IL19: variants seen among roughly 807,000 people sequenced by gnomAD.
IL19 encodes the protein interleukin 19.
IL19 carries 15 observed loss-of-function variants against 19.5 expected under a neutral mutation model. That is an observed-to-expected ratio of 0.77 (90% CI 0.52 to 1.19). IL19 has a LOEUF of 1.19. Ranked by LOEUF, IL19 falls within the 50% of genes most tolerant of loss-of-function variation. The probability of loss-of-function intolerance (pLI) is 0.00; values close to 1 mark genes in which losing one functional copy is unlikely to be tolerated. For missense variants in IL19, 199 were observed against 213.1 expected, an observed-to-expected ratio of 0.93 and a Z score of 0.41; for synonymous variants, 78 against 78.3, an observed-to-expected ratio of 1.00 and a Z score of 0.02.
At position 206,839,776 on chromosome 1, in the gene IL19, C is replaced by T. The variant is rs897450184; in HGVS notation, c.211-74C>T. The T allele has an allele frequency of 3.7e-6, 5 of 1,356,136 alleles. No individual in the cohort carries two copies. In the African/African-American group the frequency reaches 7.3e-5, roughly 20 times the overall value. 84.0% of individuals were successfully genotyped at this position (1,356,136 alleles called of 1,614,324 possible). ...GTTCTCTCATGTGTCGCTGCCCCTA[C>T]TCAAATGGACTGCCCTGGTCTCCAA... On this transcript the variant is annotated intron_variant, in intron 4 of 6. Coordinates refer to ENST00000659997, the MANE Select transcript of IL19 (RefSeq NM_153758.5).
intron 1 of IL19, among the ~76,000 whole-genome samples, chr1:206,782,528 A>G (rs1675172695): frequency 6.6e-6 from 1 of 152,194 alleles, no homozygotes; most frequent in African/African-American, 2.4e-5. Flanking sequence ...GCTTGGGTAG[A>G]CAAGGGAGAA....
rs760242157 is a variant in IL19, at chr1:206,772,418, C to T, written c.-149+1340C>T. 9.9e-6 allele frequency: 16 copies of T among 1,613,998 alleles called. No individual in the cohort carries two copies. The highest frequency in any genetic ancestry group is 8.9e-5 in the East Asian group (4 of 44,902). The stretch of plus-strand genomic sequence containing the variant: ...CAGTCAGGAGGACCAGGCAACAGAG[C>T]AGTGCTGAGCTGTGCATGCCTTCTT... On this transcript the variant is annotated intron_variant, in intron 1 of 6. Coordinates refer to ENST00000659997, the MANE Select transcript of IL19 (RefSeq NM_153758.5).
At chr1:206,785,030 C>T (rs554106613) in intron 1 of IL19, among the ~76,000 whole-genome samples, 1 of 152,296 alleles carries the variant, frequency 6.6e-6, no homozygotes, top group Admixed American at 6.5e-5. Flanking sequence ...CCAGCTGCTA[C>T]GGGCTTTGAA....
intron 2 of IL19, among the ~76,000 whole-genome samples, chr1:206,824,203 G>C (rs1444710881): frequency 2.0e-5 from 3 of 152,194 alleles, no homozygotes; most frequent in Non-Finnish European, 4.4e-5. Flanking sequence ...ACGGAGTTAA[G>C]AAGCCTAGGT....
chr1:206,829,259 A>T (rs571711730), intron 2 of IL19: 1 of 152,306 alleles, frequency 6.6e-6, no homozygotes, highest in Admixed American at 6.5e-5. Context: ...TTTCAGGTAG[A>T]TAAACACTGA....
chr1:206,803,284 A>G (rs1395931586), intron 2 of IL19, among the ~76,000 whole-genome samples: 1 of 152,172 alleles, frequency 6.6e-6, no homozygotes, highest in Non-Finnish European at 1.5e-5. Flanking sequence ...GATGCCTTCC[A>G]GTTCCCTGCC....
chr1:206,834,398 G>C, intron 2 of IL19: 3 of 985,658 alleles, frequency 3.0e-6, no homozygotes, highest in Non-Finnish European at 3.6e-6. Context: ...CACCAAGTGA[G>C]AGGTGAGGCT....
chr1:206,790,867 C>T (rs1036678501), intron 1 of IL19, among the ~76,000 whole-genome samples: 5 of 152,314 alleles, frequency 3.3e-5, no homozygotes, highest in East Asian at 1.9e-4. Flanking sequence ...GCAGGCAGGA[C>T]GCAGGCAAGA....
At chr1:206,774,916 A>T (rs1674954736) in intron 1 of IL19, among the ~76,000 whole-genome samples, 1 of 152,118 alleles carries the variant, frequency 6.6e-6, no homozygotes, top group African/African-American at 2.4e-5. Flanking sequence ...ATTTCCTTAT[A>T]TGAGATGTGT....
chr1:206,775,071 C>T (rs1224068715), intron 1 of IL19, among the ~76,000 whole-genome samples: 4 of 150,346 alleles, frequency 2.7e-5, no homozygotes, highest in Non-Finnish European at 5.9e-5. Flanking sequence ...GACAGAGTCT[C>T]GCTCTGTTGC....
intron 2 of IL19, among the ~76,000 whole-genome samples, chr1:206,830,631 T>G (rs536091701): frequency 8.5e-5 from 13 of 152,152 alleles, no homozygotes; most frequent in Non-Finnish European, 1.3e-4. Flanking sequence ...CAGGCTGGAG[T>G]GCAGTGGTGC....
chr1:206,839,400 C>A (rs1676920252), intron 4 of IL19, among the ~76,000 whole-genome samples: 1 of 152,190 alleles, frequency 6.6e-6, no homozygotes, highest in Non-Finnish European at 1.5e-5. Flanking sequence ...CATGCAACAG[C>A]CCTTGCATGT....
At chr1:206,819,268 C>T (rs1676235890) in intron 2 of IL19, among the ~76,000 whole-genome samples, 1 of 151,530 alleles carries the variant, frequency 6.6e-6, no homozygotes, top group Non-Finnish European at 1.5e-5. Context: ...AGTGGCCATC[C>T]AAATTTAAAT....
At chr1:206,791,336 C>T (rs1675398826) in intron 1 of IL19, among the ~76,000 whole-genome samples, 2 of 138,610 alleles carry the variant, frequency 1.4e-5, no homozygotes, top group Non-Finnish European at 1.5e-5. Context: ...GAGTTTCGGT[C>T]TTGTTGACCA....
At chr1:206,784,815 C>T (rs1030527025) in intron 1 of IL19, among the ~76,000 whole-genome samples, 2 of 152,262 alleles carry the variant, frequency 1.3e-5, no homozygotes, top group Non-Finnish European at 2.9e-5. Flanking sequence ...AAGCAATTAT[C>T]TGCACCACGC....
intron 2 of IL19, 51 bp downstream of exon 2, chr1:206,799,057 C>A: frequency 8.5e-7 from 1 of 1,173,662 alleles, no homozygotes; most frequent in Non-Finnish European, 1.3e-6. Context: ...TTCTCTGGGA[C>A]CAGAGATATC....
At chr1:206,832,553 C>A (rs2102483623) in intron 2 of IL19, among the ~76,000 whole-genome samples, 1 of 152,298 alleles carries the variant, frequency 6.6e-6, no homozygotes, top group East Asian at 1.9e-4. Flanking sequence ...TAAGATATAG[C>A]TGATTAATCA....
intron 2 of IL19, chr1:206,833,562 C>T (rs1279573854): frequency 6.8e-6 from 4 of 587,104 alleles, no homozygotes; most frequent in Non-Finnish European, 8.6e-6. Context: ...TATACCCTAT[C>T]TTTTCATTGC....
At chr1:206,792,150 C>G (rs1172833169) in intron 1 of IL19, among the ~76,000 whole-genome samples, 1 of 152,164 alleles carries the variant, frequency 6.6e-6, no homozygotes, top group Non-Finnish European at 1.5e-5. Flanking sequence ...TCTGAGAAAG[C>G]CTGGGGAACA....
Sources: gnomAD v4.1 joint callset for allele counts (sites outside exome capture counted in the v4.1 genomes callset) on GRCh38, gnomAD v4.1.1 for gene constraint, MANE v1.5 for transcripts, NCBI Gene and HGNC (gene_info 2026-07-23, HGNC 2026-07-21) for gene names.